IL3RA: variants seen among roughly 807,000 people sequenced by gnomAD.
IL3RA encodes the protein interleukin 3 receptor subunit alpha, also known as interleukin-3 receptor subunit alpha.
A neutral mutation model predicts 52.3 loss-of-function variants in IL3RA; 73 were observed. That is an observed-to-expected ratio of 1.40 (90% CI 1.16 to 1.70). The LOEUF (loss-of-function observed/expected upper bound fraction) is 1.70, where lower values mean the gene tolerates loss of function less well. Among genes scored for constraint, IL3RA ranks in the 40% most tolerant of loss-of-function variants. The probability of loss-of-function intolerance (pLI) is 0.00; values close to 1 mark genes in which losing one functional copy is unlikely to be tolerated. For missense variants in IL3RA, 664 were observed against 504.4 expected, an observed-to-expected ratio of 1.32 and a Z score of -3.03; for synonymous variants, 260 against 194.0, an observed-to-expected ratio of 1.34 and a Z score of -2.83.
Position 1,348,484 on chromosome X carries a change from C to T in IL3RA, c.237C>T (p.Thr79=), listed in dbSNP as rs1398879223. The T allele has an allele frequency of 6.2e-7, 1 of 1,613,850 alleles. No homozygotes were observed. The highest frequency in any genetic ancestry group is 8.5e-7 in the Non-Finnish European group (1 of 1,179,838). ...QFGAISLCEV[T]NYTVRVANPP... ...GAGCAATTTCCTTATGTGAAGTGAC[C>T]AACTACACCGTCCGAGTGGCCAACC... The change falls in exon 4 of 12, where the codon ACC becomes ACT. Residue 79 remains threonine, a synonymous_variant. Coordinates refer to ENST00000331035, the MANE Select transcript of IL3RA (RefSeq NM_002183.4).
chrX:1,365,262 CTGTGCGGGG>C lies in IL3RA; in HGVS notation c.874+13_874+21del, dbSNP rs754470168. On this transcript the variant is annotated intron_variant, in intron 9 of 11. Transcript: ENST00000331035. The stretch of plus-strand genomic sequence containing the variant: ...ACCCCCCAGCGCTTCGGTGAGTGGG[CTGTGCGGGG>C]TGCGCGGGGTGAGCGGGGTGAGCGG... 278 of 1,518,128 alleles carry C rather than the reference CTGTGCGGGG, an allele frequency of 1.8e-4. No individual in the cohort carries two copies. The East Asian group carries it at 6.7e-3, about 36-fold the overall frequency. The allele number at this position is 1,518,128 out of a possible 1,614,324, so 94.0% of individuals were successfully genotyped here. A position where few individuals can be genotyped will look rare whatever the true frequency, so the allele number is the denominator to read the frequency against.
intron 8 of IL3RA, among the ~76,000 whole-genome samples, chrX:1,364,882 C>T (rs2087795653): frequency 6.6e-6 from 1 of 151,972 alleles, no homozygotes; most frequent in Non-Finnish European, 1.5e-5. Context: ...CATCTCGCCT[C>T]ACTGCAACCT....
intron 6 of IL3RA, among the ~76,000 whole-genome samples, chrX:1,355,653 G>C (rs1360743617): frequency 6.6e-6 from 1 of 151,606 alleles, no homozygotes; most frequent in Non-Finnish European, 1.5e-5. Flanking sequence ...TCCCCTGGGG[G>C]GCGGAGGTGG....
chrX:1,344,587 A>T (rs1242977043), intron 2 of IL3RA, among the ~76,000 whole-genome samples: 1 of 151,474 alleles, frequency 6.6e-6, no homozygotes, highest in African/African-American at 2.4e-5. Context: ...ATCCTGGCCA[A>T]CATGGTGAAA....
At chrX:1,359,072 CCTTA>C (rs1419627254) in intron 8 of IL3RA, among the ~76,000 whole-genome samples, 185 bp downstream of exon 8, 1 of 151,698 alleles carries the variant, frequency 6.6e-6, no homozygotes, top group Non-Finnish European at 1.5e-5. Context: ...TGAGTGTCAC[CCTTA>C]CTGCGATCTT....
intron 3 of IL3RA, 122 bp downstream of exon 3, chrX:1,345,556 C>A: frequency 1.8e-6 from 1 of 560,760 alleles, no homozygotes. Flanking sequence ...GTGACCCGAT[C>A]TCCGCTCTCT....
chrX:1,349,496 G>C (rs1422615033), intron 4 of IL3RA, among the ~76,000 whole-genome samples: 4 of 151,538 alleles, frequency 2.6e-5, no homozygotes, highest in Non-Finnish European at 5.9e-5. Context: ...ACTTTTTGTA[G>C]AGATGGGGTG....
At position 1,348,702 on chromosome X, in the gene IL3RA, TTC is replaced by T. The variant is rs1236191291; in HGVS notation, c.298+159_298+160del. Among the ~76,000 whole-genome samples the T allele has an allele frequency of 6.6e-4, 24 of 36,106 alleles. 1 individual carries two copies. The highest frequency in any genetic ancestry group is 4.1e-3 in the South Asian group (5 of 1,230). The allele number at this position is 36,106 out of a possible 152,430, so 23.7% of individuals were successfully genotyped here. On this transcript the variant is annotated intron_variant, in intron 4 of 11. Transcript: ENST00000331035. ...TCTTTCTTTCTTTCTTTTTCTTTCT[TTC>T]TGTTTCTGTTTCTTTCTTCCTTTCT...
rs1366813371 is a variant in IL3RA at position 1,365,294 on chromosome X, CG to C, written c.874+46del. 12 of 997,710 alleles carry C rather than the reference CG, an allele frequency of 1.2e-5. No individual in the cohort carries two copies. In the East Asian group the frequency reaches 1.8e-4, roughly 15 times the overall value. The allele number at this position is 997,710 out of a possible 1,614,324, so 61.8% of individuals were successfully genotyped here. On this transcript the variant is annotated intron_variant, in intron 9 of 11. Transcript: ENST00000331035. ...GGGTGCGCGGGGTGAGCGGGGTGAGCGGGGTGCGCGGGGTGAGCGGGGTGCG... is the reference window on the plus strand; with the variant it reads ...GGGTGCGCGGGGTGAGCGGGGTGAGCGGGTGCGCGGGGTGAGCGGGGTGCG...
rs762100895 is a variant in IL3RA at position 1,348,644 on chromosome X, CTCTTTCTTTCTT to C, written c.298+137_298+148del. 4,155 of 496,812 alleles carry C rather than the reference CTCTTTCTTTCTT, an allele frequency of 8.4e-3. 196 individuals are homozygous for C. Among genetic ancestry groups the C allele is most frequent in the Admixed American group, 0.054 (1,496 of 27,822 alleles). The allele number at this position is 496,812 out of a possible 1,614,324, so 30.8% of individuals were successfully genotyped here. ...GCTGTGTCTTTTTTCTTTTCTTTTT[CTCTTTCTTTCTT>C]TCTTTCTTTCTTTCTTTCTTTCTTT... On this transcript the variant is annotated intron_variant, in intron 4 of 11. Transcript: ENST00000331035.
rs150937823 is a variant in IL3RA, at chrX:1,378,764, G to C, written c.980G>C (p.Arg327Thr). The C allele has an allele frequency of 1.4e-5, 23 of 1,612,134 alleles. No individual in the cohort carries two copies. The highest frequency in any genetic ancestry group is 1.8e-5 in the Non-Finnish European group (21 of 1,179,734). Residue 327 changes from arginine to threonine, a missense_variant and splice_region_variant, in exon 10 of 12, where the codon AGG (arginine) becomes ACG (threonine). Transcript: ENST00000331035. ...GTCTGTGTCTTCGTGATCTGCAGAA[G>C]GTGAGCCCTCGAGGGCGTCCGCGAG... is the stretch of plus-strand genomic sequence containing the variant. ...ALVCVFVICR[R>T]YLVMQRLFPR...
chrX:1,343,678 A>AAAAAT (rs1556615975), intron 2 of IL3RA, among the ~76,000 whole-genome samples: 24 of 150,414 alleles, frequency 1.6e-4, no homozygotes, highest in African/African-American at 5.4e-4. Context: ...AAAAAAAAAA[A>AAAAAT]AAAAAAAGAA....
chrX:1,341,699 C>G (rs2085503255), intron 1 of IL3RA, 29 bp from the exon 2 acceptor site: 1 of 1,585,852 alleles, frequency 6.3e-7, no homozygotes, highest in African/African-American at 1.3e-5. Context: ...CAGCCAGTCC[C>G]CGCTGCCTGA....
chrX:1,381,914 A>C (rs1479719384), intron 11 of IL3RA, among the ~76,000 whole-genome samples: 67 of 151,384 alleles, frequency 4.4e-4, no homozygotes, highest in Non-Finnish European at 8.8e-4. Flanking sequence ...GGAGGCAGAC[A>C]TCTCTGTCAG....
intron 3 of IL3RA, among the ~76,000 whole-genome samples, chrX:1,348,037 A>AG: frequency 3.0e-5 from 1 of 33,842 alleles, no homozygotes. Context: ...ACTCCCTCTC[A>AG]AAAAAAAAAA....
At chrX:1,362,174 T>C (rs868240046) in intron 8 of IL3RA, among the ~76,000 whole-genome samples, 1 of 132,718 alleles carries the variant, frequency 7.5e-6, no homozygotes, top group East Asian at 2.1e-4. Flanking sequence ...CCCTCTCTCT[T>C]TGTATCTATG....
chrX:1,340,697 C>G (rs1353485359), intron 1 of IL3RA, among the ~76,000 whole-genome samples: 1 of 152,164 alleles, frequency 6.6e-6, no homozygotes, highest in Non-Finnish European at 1.5e-5. Context: ...TGAAAACACA[C>G]AAACACAGCC....
intron 8 of IL3RA, among the ~76,000 whole-genome samples, chrX:1,361,295 G>C (rs1438765992): frequency 6.6e-6 from 1 of 151,606 alleles, no homozygotes; most frequent in African/African-American, 2.4e-5. Context: ...CCCTGTATTA[G>C]TCCATTGTCA....
chrX:1,380,919 T>C, intron 10 of IL3RA, 104 bp from the exon 11 acceptor site: 1 of 943,866 alleles, frequency 1.1e-6, no homozygotes, highest in African/African-American at 1.6e-5. Context: ...ATGACTTGAG[T>C]CTTTTGCTCT....
Sources: gnomAD v4.1 joint callset for allele counts (sites outside exome capture counted in the v4.1 genomes callset) on GRCh38, gnomAD v4.1.1 for gene constraint, MANE v1.5 for transcripts, NCBI Gene and HGNC (gene_info 2026-07-23, HGNC 2026-07-21) for gene names.